INSYN2B: variants seen among roughly 807,000 people sequenced by gnomAD.
INSYN2B encodes inhibitory synaptic factor family member 2B, also known as protein INSYN2B.
Under a neutral mutation model 41.2 loss-of-function variants are expected in INSYN2B, and 16 were observed. The observed-to-expected ratio is 0.39, with a 90% confidence interval of 0.26 to 0.59. The LOEUF is 0.59. Among genes scored for constraint, INSYN2B ranks in the 20% least tolerant of loss-of-function variants. The pLI is 0.57. For missense variants in INSYN2B, 608 were observed against 646.4 expected, an observed-to-expected ratio of 0.94 and a Z score of 0.64; for synonymous variants, 245 against 244.4, an observed-to-expected ratio of 1.00 and a Z score of -0.02.
chr5:169,940,831 C>T (rs1157674666), intron 1 of INSYN2B, among the ~76,000 whole-genome samples: 1 of 152,234 alleles, frequency 6.6e-6, no homozygotes, highest in African/African-American at 2.4e-5. Flanking sequence ...CGGTTCCTAC[C>T]TGGCCACAGA....
At chr5:169,890,001 AT>A (rs11327558) in intron 1 of INSYN2B, among the ~76,000 whole-genome samples, 28,787 of 152,194 alleles carry the variant, frequency 0.19, 4,324 homozygotes, top group African/African-American at 0.42. Flanking sequence ...CTTATAAAGC[AT>A]TTTCAAATCC....
At chr5:169,908,807 C>G (rs555207087) in intron 1 of INSYN2B, among the ~76,000 whole-genome samples, 2 of 150,404 alleles carry the variant, frequency 1.3e-5, no homozygotes, top group East Asian at 3.9e-4. Context: ...CTCTGCCTCC[C>G]AGGTTCAAGC....
intron 1 of INSYN2B, among the ~76,000 whole-genome samples, chr5:169,939,432 A>G (rs1324515544): frequency 1.3e-5 from 2 of 152,184 alleles, no homozygotes; most frequent in African/African-American, 2.4e-5. Flanking sequence ...AGGCTGTTTT[A>G]TAGTTAATTT....
intron 1 of INSYN2B, among the ~76,000 whole-genome samples, chr5:169,899,636 G>A (rs887289660): frequency 2.6e-5 from 4 of 152,152 alleles, no homozygotes; most frequent in African/African-American, 7.2e-5. Flanking sequence ...GCTTTTGTTC[G>A]ATGTTAGTGT....
intron 1 of INSYN2B, among the ~76,000 whole-genome samples, chr5:169,918,477 A>T (rs1307812839): frequency 1.3e-5 from 2 of 152,234 alleles, no homozygotes; most frequent in African/African-American, 4.8e-5. Flanking sequence ...CAGAATATTC[A>T]TGCTGAGAGC....
intron 1 of INSYN2B, among the ~76,000 whole-genome samples, chr5:169,946,716 T>A (rs1446868945): frequency 6.6e-6 from 1 of 152,158 alleles, no homozygotes; most frequent in Non-Finnish European, 1.5e-5. Context: ...TAAACAAACC[T>A]AATAGAAAAA....
chr5:169,911,427 AC>A (rs1317391355), intron 1 of INSYN2B, among the ~76,000 whole-genome samples: 1 of 152,184 alleles, frequency 6.6e-6, no homozygotes, highest in Non-Finnish European at 1.5e-5. Flanking sequence ...TGTTCCCACT[AC>A]ACTGAGCTGT....
chr5:169,906,786 A>G (rs1774304338), intron 1 of INSYN2B, among the ~76,000 whole-genome samples: 1 of 152,168 alleles, frequency 6.6e-6, no homozygotes, highest in African/African-American at 2.4e-5. Context: ...AAAGAATTGA[A>G]GGGTGGTTCT....
At position 169,928,045 on chromosome 5, in the gene INSYN2B, G is replaced by A. The variant is rs1250493114; in HGVS notation, c.-918-43229C>T. ...GTATGCATTTTTTCTTAAACAGGTG[G>A]TAGAGAGGGTACAAATATCAGGGAG... On this transcript the variant is annotated intron_variant, in intron 1 of 3. Transcript: ENST00000377365. Among the ~76,000 whole-genome samples, 2 of 152,210 alleles carry A rather than the reference G, an allele frequency of 1.3e-5. 1 individual carries two copies. Among genetic ancestry groups the A allele is most frequent in the South Asian group, 4.1e-4 (2 of 4,830 alleles).
chr5:169,920,394 C>A (rs991812072), intron 1 of INSYN2B, among the ~76,000 whole-genome samples: 23 of 152,198 alleles, frequency 1.5e-4, no homozygotes, highest in Non-Finnish European at 2.4e-4. Flanking sequence ...AAAATACTTT[C>A]TGAGAGTTGT....
intron 1 of INSYN2B, among the ~76,000 whole-genome samples, chr5:169,895,992 C>T (rs984974237): frequency 1.3e-5 from 2 of 152,150 alleles, no homozygotes; most frequent in Non-Finnish European, 2.9e-5. Context: ...TATGTGAATG[C>T]TATGATCTCA....
chr5:169,912,890 A>G (rs1351445117), intron 1 of INSYN2B, among the ~76,000 whole-genome samples: 3 of 150,702 alleles, frequency 2.0e-5, no homozygotes, highest in Non-Finnish European at 4.4e-5. Context: ...ATTAGCATTT[A>G]TTGTTTGTAA....
chr5:169,883,303 G>T lies in INSYN2B; in HGVS notation c.596C>A (p.Thr199Lys), dbSNP rs1772776206. The change falls in exon 2 of 4, where the codon ACA (threonine) becomes AAA (lysine). Residue 199 changes from threonine (T) to lysine (K), a missense_variant. Thr to Lys is a moderately conservative substitution (Grantham distance 78). Coordinates refer to ENST00000377365, the MANE Select transcript of INSYN2B (RefSeq NM_001129891.3). ...AGTWRSLEKA[T>K]AAIQVPDDIY... ...ATCATCTGGAACCTGAATGGCAGCT[G>T]TGGCTTTCTCTAAGGACCTCCAAGT... The T allele has an allele frequency of 1.3e-6, 2 of 1,551,498 alleles. No homozygotes were observed. Among genetic ancestry groups the T allele is most frequent in the South Asian group, 2.4e-5 (2 of 84,070 alleles).
intron 1 of INSYN2B, among the ~76,000 whole-genome samples, chr5:169,929,741 CAAAAAAA>C (rs1211612989): frequency 4.8e-5 from 3 of 62,958 alleles, no homozygotes; most frequent in Admixed American, 1.7e-4. Context: ...GACCCTGTCT[CAAAAAAA>C]AAAAAAAAAA....
At chr5:169,878,438 G>A (rs766154160) in intron 3 of INSYN2B, among the ~76,000 whole-genome samples, 3 of 152,166 alleles carry the variant, frequency 2.0e-5, no homozygotes, top group Non-Finnish European at 4.4e-5. Context: ...TATTTAAAAG[G>A]ACTAGTTTTA....
chr5:169,943,232 T>C (rs2113709408), intron 1 of INSYN2B, among the ~76,000 whole-genome samples: 1 of 152,282 alleles, frequency 6.6e-6, no homozygotes, highest in East Asian at 1.9e-4. Flanking sequence ...GAATAGGTTT[T>C]AAAATATTCA....
At chr5:169,913,991 A>G (rs1405393693) in intron 1 of INSYN2B, among the ~76,000 whole-genome samples, 1 of 152,214 alleles carries the variant, frequency 6.6e-6, no homozygotes, top group African/African-American at 2.4e-5. Flanking sequence ...CCTGACCCAT[A>G]TCACACAGCA....
At chr5:169,916,655 G>A (rs924980254) in intron 1 of INSYN2B, among the ~76,000 whole-genome samples, 1 of 145,402 alleles carries the variant, frequency 6.9e-6, no homozygotes, top group Admixed American at 7.0e-5. Context: ...TAGGTATTAG[G>A]TTAGGGATTG....
chr5:169,880,373 G>A (rs1289647663), intron 3 of INSYN2B, among the ~76,000 whole-genome samples: 2 of 152,242 alleles, frequency 1.3e-5, no homozygotes. Context: ...CAGAGAGAAT[G>A]AGAAGTTTTA....
Sources: allele counts gnomAD v4.1 joint callset (sites outside exome capture counted in the v4.1 genomes callset), GRCh38; gene constraint gnomAD v4.1.1; transcripts MANE v1.5; gene names NCBI Gene and HGNC (gene_info 2026-07-23, HGNC 2026-07-21).